The following LRRC4C variants were observed in gnomAD, a reference collection of about 807,000 sequenced individuals.
LRRC4C encodes the protein leucine-rich repeat-containing protein 4C.
In LRRC4C, 5 loss-of-function variants were observed where a neutral mutation model predicts 33.6. That is an observed-to-expected ratio of 0.15 (90% CI 0.08 to 0.31). The LOEUF (loss-of-function observed/expected upper bound fraction) is 0.31. Among genes scored for constraint, LRRC4C ranks in the 10% least tolerant of loss-of-function variants. The probability of loss-of-function intolerance (pLI) is 1.00; values close to 1 mark genes in which losing one functional copy is unlikely to be tolerated. For missense variants in LRRC4C, 560 were observed against 796.7 expected, an observed-to-expected ratio of 0.70 and a Z score of 3.58; for synonymous variants, 329 against 302.0, an observed-to-expected ratio of 1.09 and a Z score of -0.93.
In LRRC4C at chr11:41,431,853, T is replaced by C. The variant is rs574515756; in HGVS notation, c.-496+27578A>G. 1.2e-4 allele frequency among the ~76,000 whole-genome samples: 19 copies of C among 152,328 alleles called. No individual in the cohort carries two copies. The South Asian group carries it at 3.9e-3, about 32-fold the overall frequency. On this transcript the variant is annotated intron_variant, in intron 1 of 6. Coordinates refer to ENST00000528697, the MANE Select transcript of LRRC4C (RefSeq NM_001258419.2). ...CCAATAGGTATATGCGATTTAGGGA[T>C]AAATCTTTATGGCCCACCTTAGGTT...
chr11:40,834,427 T>C (rs370830971), intron 2 of LRRC4C, among the ~76,000 whole-genome samples: 51 of 149,046 alleles, frequency 3.4e-4, no homozygotes, highest in African/African-American at 1.2e-3. Context: ...GCCAAGATCG[T>C]GCCACTGCAC....
At chr11:40,318,558 C>T (rs1047387320) in intron 4 of LRRC4C, among the ~76,000 whole-genome samples, 1 of 152,046 alleles carries the variant, frequency 6.6e-6, no homozygotes, top group African/African-American at 2.4e-5. Flanking sequence ...GCTTATGATT[C>T]CTTTTTATAT....
intron 2 of LRRC4C, among the ~76,000 whole-genome samples, chr11:40,796,997 T>G (rs1950860970): frequency 6.6e-6 from 1 of 152,142 alleles, no homozygotes; most frequent in South Asian, 2.1e-4. Context: ...CTATAGAACT[T>G]GAGCAATATC....
intron 3 of LRRC4C, among the ~76,000 whole-genome samples, chr11:40,582,245 A>C (rs1958501116): frequency 6.6e-6 from 1 of 152,152 alleles, no homozygotes; most frequent in Admixed American, 6.5e-5. Flanking sequence ...TTTCAGACTG[A>C]TTTTTAATTG....
At chr11:40,419,728 T>TA (rs1487455072) in intron 3 of LRRC4C, among the ~76,000 whole-genome samples, 1 of 152,050 alleles carries the variant, frequency 6.6e-6, no homozygotes, top group African/African-American at 2.4e-5. Flanking sequence ...AATAAATGGT[T>TA]AAAAAAATTG....
chr11:41,000,335 T>G (rs886668789), intron 1 of LRRC4C, among the ~76,000 whole-genome samples: 1 of 152,172 alleles, frequency 6.6e-6, no homozygotes, highest in African/African-American at 2.4e-5. Flanking sequence ...AAATATGTTA[T>G]AATCCATGTT....
At chr11:41,166,523 A>C (rs114750146) in intron 1 of LRRC4C, among the ~76,000 whole-genome samples, 3,683 of 152,196 alleles carry the variant, frequency 0.024, 156 homozygotes, top group African/African-American at 0.084. Flanking sequence ...TCGGGTTTTT[A>C]TTTTGACAAA....
intron 3 of LRRC4C, among the ~76,000 whole-genome samples, chr11:40,584,686 C>T (rs1022308740): frequency 6.6e-6 from 1 of 151,996 alleles, no homozygotes; most frequent in Non-Finnish European, 1.5e-5. Flanking sequence ...AATCCCAGAA[C>T]TTTTGGAGGC....
intron 1 of LRRC4C, among the ~76,000 whole-genome samples, chr11:41,026,093 A>G (rs954279265): frequency 5.3e-5 from 8 of 151,780 alleles, no homozygotes; most frequent in African/African-American, 1.9e-4. Context: ...TTTTATTTTC[A>G]AGTCTTATTA....
intron 2 of LRRC4C, among the ~76,000 whole-genome samples, chr11:40,709,883 G>C (rs542025715): frequency 6.6e-6 from 1 of 152,000 alleles, no homozygotes; most frequent in African/African-American, 2.4e-5. Flanking sequence ...GGCTTTGTTC[G>C]TTTCTTTTTA....
intron 4 of LRRC4C, among the ~76,000 whole-genome samples, chr11:40,245,992 G>A (rs923374404): frequency 2.9e-5 from 4 of 139,642 alleles, no homozygotes; most frequent in African/African-American, 8.0e-5. Flanking sequence ...TTTTTTTTGA[G>A]ATGGAGTTTT....
intron 3 of LRRC4C, among the ~76,000 whole-genome samples, chr11:40,485,212 T>C (rs1461943352): frequency 1.3e-5 from 2 of 150,250 alleles, no homozygotes; most frequent in Non-Finnish European, 3.0e-5. Flanking sequence ...TTGACTATAC[T>C]TCATTTTAAA....
intron 3 of LRRC4C, among the ~76,000 whole-genome samples, chr11:40,612,214 A>G (rs1961298656): frequency 6.6e-6 from 1 of 151,962 alleles, no homozygotes; most frequent in South Asian, 2.1e-4. Flanking sequence ...AGCCTTAAAA[A>G]GAAGAAAATC....
intron 1 of LRRC4C, among the ~76,000 whole-genome samples, chr11:41,018,913 A>G (rs980454901): frequency 6.6e-6 from 1 of 152,082 alleles, no homozygotes; most frequent in Non-Finnish European, 1.5e-5. Context: ...ATATGCTGTA[A>G]AATTTACCCT....
rs1457620344 is a variant in LRRC4C, at chr11:41,261,003, TTTA to T, written c.-496+198425_-496+198427del. On this transcript the variant is annotated intron_variant, in intron 1 of 6. Transcript: ENST00000528697. ...CTCTTTTAAGGCAGAATATTGGGTA[TTTA>T]TTATTATTTTGCCAGCATAAATGGA... 7.2e-5 allele frequency among the ~76,000 whole-genome samples: 11 copies of T among 152,266 alleles called. No homozygotes were observed. The East Asian group carries it at 1.7e-3, about 24-fold the overall frequency.
chr11:40,589,821 C>T (rs1228632329), intron 3 of LRRC4C, among the ~76,000 whole-genome samples: 1 of 149,622 alleles, frequency 6.7e-6, no homozygotes, highest in Non-Finnish European at 1.5e-5. Flanking sequence ...TCTCTTCTGG[C>T]TTGTAGGGTT....
chr11:40,798,828 G>A, intron 2 of LRRC4C, among the ~76,000 whole-genome samples: 1 of 151,902 alleles, frequency 6.6e-6, no homozygotes, highest in East Asian at 1.9e-4. Flanking sequence ...ATTTTTAATA[G>A]AGACAGGGTT....
At chr11:40,744,961 T>A (rs1344542814) in intron 2 of LRRC4C, among the ~76,000 whole-genome samples, 4 of 152,182 alleles carry the variant, frequency 2.6e-5, no homozygotes, top group Admixed American at 1.3e-4. Flanking sequence ...GTCTTTGTTT[T>A]CTCATAAAAT....
At chr11:41,086,021 T>C (rs1939962371) in intron 1 of LRRC4C, among the ~76,000 whole-genome samples, 1 of 151,806 alleles carries the variant, frequency 6.6e-6, no homozygotes, top group African/African-American at 2.4e-5. Flanking sequence ...AAAGCTTCTC[T>C]GCCTTTTGTA....
Sources: allele counts gnomAD v4.1 joint callset (sites outside exome capture counted in the v4.1 genomes callset), GRCh38; gene constraint gnomAD v4.1.1; transcripts MANE v1.5; gene names NCBI Gene and HGNC (gene_info 2026-07-23, HGNC 2026-07-21).